Variants in KLF12 observed in about 807,000 individuals in gnomAD.
KLF12 encodes KLF transcription factor 12, also known as Krueppel-like factor 12.
KLF12 carries 9 observed loss-of-function variants against 37.8 expected under a neutral mutation model. The observed-to-expected ratio is 0.24, with a 90% CI of 0.14 to 0.42. The LOEUF (loss-of-function observed/expected upper bound fraction) is 0.42. Ranked by LOEUF, KLF12 falls within the 10% of genes least tolerant of loss-of-function variation. The pLI, the probability that KLF12 is intolerant of heterozygous loss-of-function variation, is 1.00. For missense variants in KLF12, 411 were observed against 516.0 expected, an observed-to-expected ratio of 0.80 and a Z score of 1.97; for synonymous variants, 208 against 202.1, an observed-to-expected ratio of 1.03 and a Z score of -0.25.
At chr13:74,017,299 A>G (rs922383127) in intron 1 of KLF12, among the ~76,000 whole-genome samples, 8 of 144,278 alleles carry the variant, frequency 5.5e-5, no homozygotes, top group African/African-American at 2.0e-4. Context: ...AAGTCAACAC[A>G]TAAGGTAGTT....
intron 1 of KLF12, among the ~76,000 whole-genome samples, chr13:73,996,513 T>C (rs2138280041): frequency 6.6e-6 from 1 of 152,362 alleles, no homozygotes; most frequent in Non-Finnish European, 1.5e-5. Context: ...ATTTTTTTCA[T>C]TTAATGTGCC....
At chr13:74,068,377 T>C (rs929746318) in intron 1 of KLF12, among the ~76,000 whole-genome samples, 2 of 152,170 alleles carry the variant, frequency 1.3e-5, no homozygotes, top group East Asian at 1.9e-4. Flanking sequence ...TTCAAAAGTG[T>C]TTACTTCTCT....
chr13:74,068,283 C>T (rs974098803), intron 1 of KLF12, among the ~76,000 whole-genome samples: 1 of 152,150 alleles, frequency 6.6e-6, no homozygotes, highest in Non-Finnish European at 1.5e-5. Context: ...GATTCAGCTA[C>T]TATAACAATT....
intron 1 of KLF12, among the ~76,000 whole-genome samples, chr13:74,089,806 A>C (rs1455006178): frequency 7.8e-5 from 2 of 25,524 alleles, no homozygotes; most frequent in East Asian, 8.5e-3. Context: ...GCAGGGGGAA[A>C]AAAAAAAAAA....
the KLF12 span, among the ~76,000 whole-genome samples, chr13:74,188,721 C>T: frequency 5.3e-5 from 8 of 152,064 alleles, no homozygotes; most frequent in African/African-American, 1.7e-4. Flanking sequence ...GTGGGCCAGG[C>T]GTGGTGGCTC....
intron 1 of KLF12, among the ~76,000 whole-genome samples, chr13:74,027,482 T>C (rs1893005887): frequency 6.6e-6 from 1 of 152,168 alleles, no homozygotes. Context: ...GTCTGTTCTA[T>C]AAATGAAGCA....
chr13:73,985,555 A>T (rs1891805977), intron 2 of KLF12, among the ~76,000 whole-genome samples: 1 of 152,190 alleles, frequency 6.6e-6, no homozygotes, highest in Admixed American at 6.5e-5. Context: ...ACTCTGTGTA[A>T]CTACCATCCC....
the KLF12 span, among the ~76,000 whole-genome samples, chr13:74,182,250 A>G: frequency 6.6e-6 from 1 of 152,176 alleles, no homozygotes; most frequent in Non-Finnish European, 1.5e-5. Flanking sequence ...ATTGGGAACA[A>G]CTTCATTTTC....
At chr13:74,260,152 GCACACACGGA>G in the KLF12 span, among the ~76,000 whole-genome samples, 1 of 152,010 alleles carries the variant, frequency 6.6e-6, no homozygotes, top group African/African-American at 2.4e-5. Flanking sequence ...ACACACACAT[GCACACACGGA>G]GGTAACTGCA....
At chr13:73,782,535 T>G (rs928439481) in intron 5 of KLF12, among the ~76,000 whole-genome samples, 2 of 152,232 alleles carry the variant, frequency 1.3e-5, no homozygotes, top group Admixed American at 1.3e-4. Context: ...AATGTTTAAA[T>G]GCTTAATTTT....
chr13:74,222,474 A>G, the KLF12 span, among the ~76,000 whole-genome samples: 3 of 152,186 alleles, frequency 2.0e-5, no homozygotes, highest in African/African-American at 4.8e-5. Context: ...CAGGGCCTAT[A>G]TCACTACTAT....
intron 2 of KLF12, among the ~76,000 whole-genome samples, chr13:73,974,231 A>G (rs1891435865): frequency 1.3e-5 from 2 of 151,862 alleles, no homozygotes; most frequent in South Asian, 2.1e-4. Flanking sequence ...ACAGATTGAA[A>G]TAACAGACAG....
At chr13:74,152,102 T>C in the KLF12 span, among the ~76,000 whole-genome samples, 2 of 152,184 alleles carry the variant, frequency 1.3e-5, no homozygotes, top group Non-Finnish European at 2.9e-5. Flanking sequence ...GGTACAGTCC[T>C]TTAATGAAGA....
intron 2 of KLF12, among the ~76,000 whole-genome samples, chr13:73,989,348 GT>G (rs1284409206): frequency 2.6e-5 from 4 of 152,168 alleles, no homozygotes; most frequent in Non-Finnish European, 4.4e-5. Flanking sequence ...AAAAATCACA[GT>G]TACACAAGAC....
chr13:74,243,966 T>C, the KLF12 span, among the ~76,000 whole-genome samples: 1 of 152,218 alleles, frequency 6.6e-6, no homozygotes, highest in African/African-American at 2.4e-5. Context: ...TTAATGAACA[T>C]ATGTTGGGGT....
chr13:74,223,612 A>G, the KLF12 span, among the ~76,000 whole-genome samples: 1 of 152,110 alleles, frequency 6.6e-6, no homozygotes, highest in Non-Finnish European at 1.5e-5. Context: ...AGAGATGGAA[A>G]GTGGACTTCC....
chr13:73,917,125 A>G (rs1170355332), intron 3 of KLF12, among the ~76,000 whole-genome samples: 3 of 152,178 alleles, frequency 2.0e-5, no homozygotes, highest in African/African-American at 7.2e-5. Flanking sequence ...AGCATGGATT[A>G]TATACCAAGT....
the KLF12 span, among the ~76,000 whole-genome samples, chr13:74,201,970 G>T: frequency 6.6e-6 from 1 of 152,124 alleles, no homozygotes; most frequent in African/African-American, 2.4e-5. Context: ...CAGAGCATGT[G>T]CTTCTCTACT....
intron 1 of KLF12, among the ~76,000 whole-genome samples, chr13:74,064,171 C>G (rs147249106): frequency 6.6e-6 from 1 of 152,300 alleles, no homozygotes; most frequent in East Asian, 1.9e-4. Flanking sequence ...AATACCACTG[C>G]CATCTTGCAA....
Sources: allele counts gnomAD v4.1 joint callset (sites outside exome capture counted in the v4.1 genomes callset), GRCh38; gene constraint gnomAD v4.1.1; transcripts MANE v1.5; gene names NCBI Gene and HGNC (gene_info 2026-07-23, HGNC 2026-07-21).